The following C1QTNF3 variants were observed in gnomAD, a reference collection of about 807,000 sequenced individuals.
The protein encoded by C1QTNF3 is C1q and TNF related 3, also known as complement C1q tumor necrosis factor-related protein 3.
C1QTNF3 carries 26 observed loss-of-function variants against 32.6 expected under a neutral mutation model. That is an observed-to-expected ratio of 0.80 (90% CI 0.58 to 1.11). The LOEUF is 1.11. C1QTNF3 is among the 50% of genes least tolerant of loss of function. The probability of loss-of-function intolerance (pLI) is 0.00; values close to 1 mark genes in which losing one functional copy is unlikely to be tolerated. For missense variants in C1QTNF3, 362 were observed against 398.2 expected (o/e 0.91, Z 0.77); for synonymous variants, 155 against 146.0 (o/e 1.06, Z -0.44).
At chr5:34,146,599 T>C in the C1QTNF3 span, among the ~76,000 whole-genome samples, 7 of 152,270 alleles carry the variant, frequency 4.6e-5, no homozygotes, top group African/African-American at 1.7e-4. Context: ...AGTGCTGGGA[T>C]AGTTGGCTAG....
chr5:34,035,510 T>G (rs770325250), intron 2 of C1QTNF3, 137 bp downstream of exon 2: 5 of 698,172 alleles, frequency 7.2e-6, no homozygotes, highest in Non-Finnish European at 1.3e-5. Flanking sequence ...CCTATGAACC[T>G]GGTATTCCAG....
the C1QTNF3 span, among the ~76,000 whole-genome samples, chr5:34,145,463 C>T: frequency 6.6e-6 from 1 of 151,534 alleles, no homozygotes; most frequent in Non-Finnish European, 1.5e-5. Context: ...CAGAATAGAC[C>T]AATATCAAGT....
chr5:34,230,107 T>C, the C1QTNF3 span, among the ~76,000 whole-genome samples: 1 of 152,196 alleles, frequency 6.6e-6, no homozygotes, highest in Admixed American at 6.5e-5. Context: ...CTCTGAGAAA[T>C]AAACGTCAGT....
the C1QTNF3 span, among the ~76,000 whole-genome samples, chr5:34,066,545 C>A: frequency 6.6e-6 from 1 of 151,720 alleles, no homozygotes; most frequent in Admixed American, 6.6e-5. Flanking sequence ...TAAATTGGCA[C>A]GTTTATTTTG....
chr5:34,213,825 G>T, the C1QTNF3 span, among the ~76,000 whole-genome samples: 5,346 of 19,670 alleles, frequency 0.27, 1,001 homozygotes, highest in South Asian at 0.38. Context: ...TTTTTTTTGT[G>T]TGTGTGATGG....
At chr5:34,029,051 A>G in intron 3 of C1QTNF3, 168 bp from the exon 4 acceptor site, 2 of 485,394 alleles carry the variant, frequency 4.1e-6, no homozygotes, top group Non-Finnish European at 7.2e-6. Flanking sequence ...TTTGAATGCT[A>G]TGCAGCCATT....
the C1QTNF3 span, among the ~76,000 whole-genome samples, chr5:34,189,204 C>CT: frequency 0.026 from 2,878 of 111,144 alleles, no homozygotes; most frequent in Non-Finnish European, 0.038. Flanking sequence ...CACCCGGCCT[C>CT]TTTTTTTTCT....
chr5:34,154,303 T>C, the C1QTNF3 span, among the ~76,000 whole-genome samples: 3 of 152,230 alleles, frequency 2.0e-5, no homozygotes, highest in African/African-American at 7.2e-5. Context: ...CAAATGTGTA[T>C]TTATTTATTC....
rs145720147 is a variant in C1QTNF3 at position 34,020,600 on chromosome 5, G to C, written c.943C>G (p.Leu315Val). Residue 315 changes from leucine (L) to valine (V), a missense_variant, in exon 6 of 6, where the codon CTC becomes GTC. Coordinates refer to ENST00000382065, the MANE Select transcript of C1QTNF3 (RefSeq NM_181435.6). The stretch of plus-strand genomic sequence containing the variant: ...TCATATATTTACTTAGTTTCAAAGA[G>C]CAGGAATCCTGCAAAGGTGGAGAAG... ...QRFSTFAGFL[L>V]FETK is the part of the protein sequence containing the mutation. 46 of 1,614,192 alleles carry C rather than the reference G, an allele frequency of 2.8e-5. No homozygotes were observed. The East Asian group carries it at 8.5e-4, about 30-fold the overall frequency.
the C1QTNF3 span, among the ~76,000 whole-genome samples, chr5:34,178,273 C>A: frequency 6.6e-6 from 1 of 152,150 alleles, no homozygotes; most frequent in African/African-American, 2.4e-5. Context: ...AACTGAAACT[C>A]CTCCTCAAAG....
the C1QTNF3 span, among the ~76,000 whole-genome samples, chr5:34,064,358 G>A: frequency 2.6e-4 from 39 of 152,176 alleles, no homozygotes; most frequent in Non-Finnish European, 2.6e-4. Flanking sequence ...CAAGATAGGG[G>A]TGGGCTGCTC....
chr5:34,114,115 C>G, the C1QTNF3 span, among the ~76,000 whole-genome samples: 1 of 152,226 alleles, frequency 6.6e-6, no homozygotes, highest in East Asian at 1.9e-4. Context: ...TCTCAATCAT[C>G]TTTAAATGGG....
At chr5:34,132,051 T>C in the C1QTNF3 span, among the ~76,000 whole-genome samples, 1 of 152,158 alleles carries the variant, frequency 6.6e-6, no homozygotes, top group African/African-American at 2.4e-5. Flanking sequence ...AAAATTGTGA[T>C]GACTCGTGTG....
At chr5:34,047,279 A>C (rs979798695), upstream of C1QTNF3, among the ~76,000 whole-genome samples, 2 of 152,254 alleles carry the variant, frequency 1.3e-5, no homozygotes, top group Non-Finnish European at 2.9e-5. Flanking sequence ...CAGGGCCACT[A>C]ATGTGAGCAG....
rs375045784 is a variant in C1QTNF3, at chr5:34,039,988, G to A, written c.303+2835C>T. ...TTACTACTAGTCGAGCACCTCGTGA[G>A]AACCCTTCAGCAGCATTGCATTACA... On this transcript the variant is annotated intron_variant, in intron 1 of 5. Transcript: ENST00000382065. Among the ~76,000 whole-genome samples the A allele has an allele frequency of 1.7e-4, 26 of 152,272 alleles. No individual in the cohort carries two copies. In the Middle Eastern group the frequency reaches 0.017, roughly 100 times the overall value.
chr5:34,170,414 G>A, the C1QTNF3 span, among the ~76,000 whole-genome samples: 1 of 152,068 alleles, frequency 6.6e-6, no homozygotes, highest in Admixed American at 6.6e-5. Context: ...TTGAGGCTGG[G>A]TCTCAAATTC....
chr5:34,022,447 C>G (rs1301984767), intron 5 of C1QTNF3, among the ~76,000 whole-genome samples: 1 of 152,142 alleles, frequency 6.6e-6, no homozygotes, highest in Non-Finnish European at 1.5e-5. Flanking sequence ...GAAAAACAGC[C>G]AACAAACCAA....
At chr5:34,237,974 C>T in the C1QTNF3 span, among the ~76,000 whole-genome samples, 1 of 152,214 alleles carries the variant, frequency 6.6e-6, no homozygotes, top group Non-Finnish European at 1.5e-5. Context: ...CACTGGCCAT[C>T]ACTCTTAAGC....
chr5:34,143,640 T>TA, the C1QTNF3 span, among the ~76,000 whole-genome samples: 3 of 152,010 alleles, frequency 2.0e-5, no homozygotes, highest in Non-Finnish European at 4.4e-5. Flanking sequence ...TTCAGCAACT[T>TA]AAAAAAAGGA....
Sources: allele counts gnomAD v4.1 joint callset (sites outside exome capture counted in the v4.1 genomes callset), GRCh38; gene constraint gnomAD v4.1.1; transcripts MANE v1.5; gene names NCBI Gene and HGNC (gene_info 2026-07-23, HGNC 2026-07-21).